Variants in GTF2IRD1 observed in about 807,000 individuals in gnomAD.
GTF2IRD1 encodes GTF2I repeat domain containing 1.
A neutral mutation model predicts 113.2 loss-of-function variants in GTF2IRD1; 26 were observed. The observed-to-expected ratio is 0.23, with a 90% confidence interval of 0.17 to 0.32. The LOEUF is 0.32. GTF2IRD1 is among the 10% of genes least tolerant of loss of function. The pLI is 1.00. For missense variants in GTF2IRD1, 864 were observed against 1,280.8 expected (o/e 0.67, Z 4.97); for synonymous variants, 484 against 529.1 (o/e 0.91, Z 1.17).
intron 1 of GTF2IRD1, among the ~76,000 whole-genome samples, chr7:74,484,316 C>T (rs1794901021): frequency 6.6e-6 from 1 of 152,198 alleles, no homozygotes; most frequent in South Asian, 2.1e-4. Context: ...GGGTCTCACT[C>T]TGTCACCCAG....
chr7:74,582,034 C>T (rs1407303705), intron 22 of GTF2IRD1, among the ~76,000 whole-genome samples: 1 of 152,080 alleles, frequency 6.6e-6, no homozygotes, highest in Admixed American at 6.6e-5. Context: ...ATAAATAAAG[C>T]TTGGCTGGGC....
intron 22 of GTF2IRD1, among the ~76,000 whole-genome samples, chr7:74,580,266 G>A (rs1479438056): frequency 1.3e-5 from 2 of 152,188 alleles, no homozygotes; most frequent in African/African-American, 4.8e-5. Context: ...GGGGCTCTGT[G>A]AAGTGGTTCA....
intron 1 of GTF2IRD1, among the ~76,000 whole-genome samples, chr7:74,496,198 C>T (rs1025182512): frequency 2.1e-4 from 31 of 149,562 alleles, no homozygotes; most frequent in Non-Finnish European, 3.0e-4. Context: ...GCTATGCGTG[C>T]GTATGTGTAT....
At chr7:74,558,343 G>GTTTTTTTTTTTTTTT (rs1562868915) in intron 20 of GTF2IRD1, among the ~76,000 whole-genome samples, 2 of 74,010 alleles carry the variant, frequency 2.7e-5, no homozygotes, top group Non-Finnish European at 2.8e-5. Flanking sequence ...TTTTTCTTTC[G>GTTTTTTTTTTTTTTT]TTTCTTTTTT....
intron 22 of GTF2IRD1, chr7:74,572,560 C>A: frequency 1.0e-6 from 1 of 982,954 alleles, no homozygotes; most frequent in African/African-American, 1.7e-5. Flanking sequence ...TGATACAGAA[C>A]AAGGACATCC....
chr7:74,483,177 G>C (rs1253661022), intron 1 of GTF2IRD1, among the ~76,000 whole-genome samples: 2 of 152,122 alleles, frequency 1.3e-5, no homozygotes, highest in Non-Finnish European at 2.9e-5. Flanking sequence ...CTAGCTCAGT[G>C]CTGTGATGCT....
At chr7:74,461,645 C>T (rs1302075228) in intron 1 of GTF2IRD1, among the ~76,000 whole-genome samples, 2 of 152,140 alleles carry the variant, frequency 1.3e-5, no homozygotes, top group Non-Finnish European at 2.9e-5. Flanking sequence ...GTGGCGCGAT[C>T]TCGGCTCGCT....
chr7:74,599,771 C>T (rs1802635612), intron 25 of GTF2IRD1, among the ~76,000 whole-genome samples: 1 of 152,198 alleles, frequency 6.6e-6, no homozygotes, highest in South Asian at 2.1e-4. Flanking sequence ...AATCCACCCA[C>T]CTTGGTCTCC....
chr7:74,488,485 C>T (rs550168378), intron 1 of GTF2IRD1, among the ~76,000 whole-genome samples: 6 of 152,252 alleles, frequency 3.9e-5, no homozygotes, highest in South Asian at 2.1e-4. Flanking sequence ...TGGCTGGGCA[C>T]GGTGGCTCAC....
intron 1 of GTF2IRD1, among the ~76,000 whole-genome samples, chr7:74,490,656 G>C (rs1554336502): frequency 6.6e-6 from 1 of 151,126 alleles, no homozygotes; most frequent in Non-Finnish European, 1.5e-5. Context: ...GGCCGTGTTT[G>C]GGTGGGGTGT....
chr7:74,473,546 TC>T (rs1794228330), intron 1 of GTF2IRD1, among the ~76,000 whole-genome samples: 1 of 152,042 alleles, frequency 6.6e-6, no homozygotes, highest in Admixed American at 6.6e-5. Flanking sequence ...CACTTTGGCC[TC>T]CCAAAATGTT....
Position 74,555,336 on chromosome 7 carries a change from C to T in GTF2IRD1, c.1967-102C>T. ...TGTCCTGCTCCCATCCTGGCCCTGG[C>T]ATTCTCCCCACACCCCCACATTGGG... On this transcript the variant is annotated intron_variant, in intron 18 of 26. Coordinates refer to ENST00000424337, the MANE Select transcript of GTF2IRD1 (RefSeq NM_005685.4). This position sits in a 1 kb window ranked among gnomAD's most constrained non-coding sequence, Gnocchi z 5.3. 6.9e-7 allele frequency: 1 copy of T among 1,451,544 alleles called. No individual in the cohort carries two copies. The highest frequency in any genetic ancestry group is 1.1e-5 in the South Asian group (1 of 87,158). The allele number at this position is 1,451,544 out of a possible 1,614,324, so 89.9% of individuals were successfully genotyped here. A position where few individuals can be genotyped will look rare whatever the true frequency, so the allele number is the denominator to read the frequency against.
At chr7:74,573,608 G>C (rs1023931894) in intron 22 of GTF2IRD1, among the ~76,000 whole-genome samples, 4 of 152,196 alleles carry the variant, frequency 2.6e-5, no homozygotes, top group African/African-American at 9.6e-5. Flanking sequence ...GGGGTCGCCA[G>C]GCACCTTGTG....
intron 4 of GTF2IRD1, among the ~76,000 whole-genome samples, chr7:74,516,599 C>CTT (rs57690297): frequency 0.068 from 10,387 of 152,208 alleles, 1,090 homozygotes; most frequent in African/African-American, 0.23. Context: ...CTACTGTAGC[C>CTT]TTTGGTTTTA....
chr7:74,594,935 G>A (rs1430384164), intron 24 of GTF2IRD1, 79 bp from the exon 25 acceptor site: 13 of 986,350 alleles, frequency 1.3e-5, no homozygotes, highest in Middle Eastern at 3.3e-4. Flanking sequence ...CTGGGCAACC[G>A]AGTGAGACTC....
At chr7:74,534,889 T>G (rs587750665) in intron 9 of GTF2IRD1, among the ~76,000 whole-genome samples, 7 of 152,214 alleles carry the variant, frequency 4.6e-5, no homozygotes, top group Admixed American at 1.3e-4. Flanking sequence ...GGCGACAAAG[T>G]GAGACTCTGT....
At chr7:74,472,129 T>C (rs1443045269) in intron 1 of GTF2IRD1, among the ~76,000 whole-genome samples, 6 of 152,212 alleles carry the variant, frequency 3.9e-5, no homozygotes, top group African/African-American at 1.2e-4. Flanking sequence ...GTAACTCCAC[T>C]TGGAGTTCAC....
chr7:74,602,374 A>G lies in GTF2IRD1; in HGVS notation c.2776A>G (p.Met926Val), dbSNP rs782124958. ...ANQISLVQWP[M>V]YMVDYAGLNV... ...TTGTCCCTCTCTCTAGCAATGGCCA[A>G]TGTACATGGTGGACTATGCCGGCCT... The change falls in exon 27 of 27, where the codon ATG becomes GTG. Residue 926 changes from methionine to valine, a missense_variant. By Grantham distance (21) the Met-to-Val change is conservative. Coordinates refer to ENST00000424337, the MANE Select transcript of GTF2IRD1 (RefSeq NM_005685.4). 4 of 1,613,348 alleles carry G rather than the reference A, an allele frequency of 2.5e-6. No individual in the cohort carries two copies. In the Admixed American group the frequency reaches 5.0e-5, roughly 20 times the overall value.
At chr7:74,539,158 A>T (rs1798482004) in intron 13 of GTF2IRD1, among the ~76,000 whole-genome samples, 2 of 152,180 alleles carry the variant, frequency 1.3e-5, no homozygotes, top group African/African-American at 4.8e-5. Context: ...TTAGAAGCCA[A>T]GAGGGTGCTG....
Sources: gnomAD v4.1 joint callset for allele counts (sites outside exome capture counted in the v4.1 genomes callset) on GRCh38, gnomAD v4.1.1 for gene constraint, Gnocchi (gnomAD v3.1) non-coding constraint, MANE v1.5 for transcripts, NCBI Gene and HGNC (gene_info 2026-07-23, HGNC 2026-07-21) for gene names.